The following C2CD3 variants were observed in gnomAD, a reference collection of about 807,000 sequenced individuals.
The protein encoded by C2CD3 is C2 domain-containing protein 3.
C2CD3 carries 148 observed loss-of-function variants against 234.0 expected under a neutral mutation model. That is an observed-to-expected ratio of 0.63 (90% confidence interval 0.55 to 0.72). The LOEUF is 0.72. Among genes scored for constraint, C2CD3 ranks in the 30% least tolerant of loss-of-function variants. C2CD3 has a pLI of 0.00. For synonymous variants in C2CD3, 1,000 were observed against 1,035.4 expected (o/e 0.97, Z 0.66); for missense variants, 2,577 against 2,811.5 (o/e 0.92, Z 1.89).
intron 28 of C2CD3, among the ~76,000 whole-genome samples, chr11:74,043,313 A>G (rs973523663): frequency 1.4e-4 from 21 of 152,244 alleles, no homozygotes; most frequent in African/African-American, 4.8e-4. Flanking sequence ...TACAGCATGT[A>G]TCAGTCCTTC....
intron 3 of C2CD3, among the ~76,000 whole-genome samples, chr11:74,154,391 C>G (rs918764702): frequency 4.2e-4 from 64 of 152,056 alleles, no homozygotes; most frequent in African/African-American, 1.2e-3. Context: ...TTGTAGTCCT[C>G]AAGTTTGGCC....
At chr11:74,073,361 T>C (rs909492236) in intron 24 of C2CD3, among the ~76,000 whole-genome samples, 1 of 151,948 alleles carries the variant, frequency 6.6e-6, no homozygotes, top group African/African-American at 2.4e-5. Flanking sequence ...CTGAGGTGGG[T>C]GGATCACTTG....
At chr11:74,101,096 A>G (rs1200330434) in intron 14 of C2CD3, among the ~76,000 whole-genome samples, 1 of 152,222 alleles carries the variant, frequency 6.6e-6, no homozygotes, top group African/African-American at 2.4e-5. Flanking sequence ...AAGGGCAGCC[A>G]ATTCACTGGC....
Position 74,055,098 on chromosome 11 carries a change from C to A in C2CD3, c.5091-427G>T, listed in dbSNP as rs80272360. On this transcript the variant is annotated intron_variant, in intron 25 of 32. Transcript: ENST00000334126. ...TGCCTACCTTGGGCCAGGCATGGCACCACGTGTTTCATATACATTTCATCT... is the reference window on the plus strand; with the variant it reads ...TGCCTACCTTGGGCCAGGCATGGCAACACGTGTTTCATATACATTTCATCT... Among the ~76,000 whole-genome samples the A allele has an allele frequency of 6.5e-3, 997 of 152,268 alleles. 23 individuals are homozygous for A. Among genetic ancestry groups the A allele is most frequent in the East Asian group, 0.061 (318 of 5,178 alleles).
At chr11:74,066,593 G>A (rs1353749940) in intron 24 of C2CD3, among the ~76,000 whole-genome samples, 1 of 151,796 alleles carries the variant, frequency 6.6e-6, no homozygotes, top group African/African-American at 2.4e-5. Flanking sequence ...GGAAAGAAAA[G>A]TAGCTACAGC....
chr11:74,095,326 G>A lies in C2CD3; in HGVS notation c.3062C>T (p.Ala1021Val), dbSNP rs570668370. Reference sequence around the variant, plus strand: ...ACAATCTGCTTCTCCCCAGACTGTTGCCTGAAGAGGGGCTAGCCCTTTAAC... The same window carrying A: ...ACAATCTGCTTCTCCCCAGACTGTTACCTGAAGAGGGGCTAGCCCTTTAAC... Reference protein sequence around the residue: ...EMVKGLAPLQATVWGEADCYV... With the variant: ...EMVKGLAPLQVTVWGEADCYV... Residue 1021 changes from alanine (A) to valine (V), a missense_variant, in exon 17 of 33, where the codon GCA (alanine) becomes GTA (valine). By Grantham distance (64) the Ala-to-Val change is moderately conservative. Coordinates refer to ENST00000334126, the MANE Select transcript of C2CD3 (RefSeq NM_001286577.2). The A allele has an allele frequency of 1.2e-6, 2 of 1,613,588 alleles. No individual in the cohort carries two copies.
At chr11:74,029,944 T>C (rs1195649632) in intron 31 of C2CD3, among the ~76,000 whole-genome samples, 1 of 152,102 alleles carries the variant, frequency 6.6e-6, no homozygotes, top group Non-Finnish European at 1.5e-5. Context: ...TTAGTAGAGA[T>C]GGAATTTTGC....
chr11:74,026,322 C>A (rs1040120426), intron 32 of C2CD3, among the ~76,000 whole-genome samples: 5 of 150,830 alleles, frequency 3.3e-5, no homozygotes, highest in South Asian at 2.1e-4. Flanking sequence ...AAAAAAAAAA[C>A]AACCAACAGA....
At position 74,073,743 on chromosome 11, in the gene C2CD3, C is replaced by A. The variant is rs561370339; in HGVS notation, c.4951+510G>T. ...TCTATTGTTGACAATATCACAGGTA[C>A]TATTACTAGGATCTACTGCCTATAT... On this transcript the variant is annotated intron_variant, in intron 24 of 32. Coordinates refer to ENST00000334126, the MANE Select transcript of C2CD3 (RefSeq NM_001286577.2). 1.6e-4 allele frequency among the ~76,000 whole-genome samples: 25 copies of A among 152,220 alleles called. No individual in the cohort carries two copies. In the East Asian group the frequency reaches 4.8e-3, roughly 29 times the overall value.
rs1238403952 is a variant in C2CD3 at position 74,133,808 on chromosome 11, C to G, written c.956-251G>C. ...ATGAAGTCTCCATTCCGGAGACTCA[C>G]CTCTTGTGGGGGTTGTTATATCCAT... On this transcript the variant is annotated intron_variant, in intron 5 of 32. Transcript: ENST00000334126. Among the ~76,000 whole-genome samples, 3 of 152,190 alleles carry G rather than the reference C, an allele frequency of 2.0e-5. 1 individual carries two copies. The highest frequency in any genetic ancestry group is 7.2e-5 in the African/African-American group (3 of 41,446).
At chr11:74,135,098 G>A (rs1353223933) in intron 5 of C2CD3, among the ~76,000 whole-genome samples, 1 of 152,024 alleles carries the variant, frequency 6.6e-6, no homozygotes, top group Admixed American at 6.6e-5. Flanking sequence ...AATGTGTGAT[G>A]TGGCAATACA....
intron 8 of C2CD3, among the ~76,000 whole-genome samples, chr11:74,120,454 A>G (rs1472066244): frequency 6.6e-6 from 1 of 152,166 alleles, no homozygotes; most frequent in Non-Finnish European, 1.5e-5. Context: ...AAAGGACATG[A>G]CCTCATCCTT....
chr11:74,034,188 G>C lies in C2CD3; in HGVS notation c.5972C>G (p.Ala1991Gly). 3 of 1,536,198 alleles carry C rather than the reference G, an allele frequency of 2.0e-6. No individual in the cohort carries two copies. The highest frequency in any genetic ancestry group is 1.7e-6 in the Non-Finnish European group (2 of 1,146,916). The change falls in exon 31 of 33, where the codon GCT (alanine) becomes GGT (glycine). Residue 1991 changes from alanine to glycine, a missense_variant. Coordinates refer to ENST00000334126, the MANE Select transcript of C2CD3 (RefSeq NM_001286577.2). Reference sequence around the variant, plus strand: ...TTCTTGCAGTGCTTCTGTGTCCTGAGCATCTGGGAGGGTGGTGGCCTTGTT... The same window carrying C: ...TTCTTGCAGTGCTTCTGTGTCCTGACCATCTGGGAGGGTGGTGGCCTTGTT... ...RSNKATTLPDAQDTEALQERC... is the reference protein window; with the variant it reads ...RSNKATTLPDGQDTEALQERC...
intron 31 of C2CD3, 126 bp from the exon 32 acceptor site, chr11:74,028,524 A>AGAAT (rs1359370859): frequency 7.7e-6 from 5 of 652,084 alleles, no homozygotes; most frequent in Non-Finnish European, 1.3e-5. Flanking sequence ...CTTGTCCATA[A>AGAAT]ATTCTTTGCT....
chr11:74,024,114 C>T (rs1952196672), intron 32 of C2CD3, among the ~76,000 whole-genome samples: 2 of 152,290 alleles, frequency 1.3e-5, no homozygotes, highest in East Asian at 3.8e-4. Flanking sequence ...ACACTGTAAT[C>T]AAACTGTTGA....
At chr11:74,042,882 T>G (rs1477869909) in intron 28 of C2CD3, among the ~76,000 whole-genome samples, 1 of 152,240 alleles carries the variant, frequency 6.6e-6, no homozygotes. Context: ...CAACATATAT[T>G]ACGCCATGTG....
intron 8 of C2CD3, 76 bp downstream of exon 8, chr11:74,122,912 C>T: frequency 2.9e-6 from 3 of 1,045,962 alleles, no homozygotes; most frequent in Non-Finnish European, 4.3e-6. Context: ...AAATGCATAG[C>T]TGTCATGCCT....
intron 29 of C2CD3, among the ~76,000 whole-genome samples, chr11:74,038,311 T>C (rs184626516): frequency 1.3e-5 from 2 of 152,244 alleles, no homozygotes; most frequent in South Asian, 4.1e-4. Context: ...TAAGTGATTT[T>C]AAAAATCTGT....
In C2CD3 at chr11:74,092,443, T is replaced by C. The variant is rs776905699; in HGVS notation, c.3490A>G (p.Arg1164Gly). Residue 1164 changes from arginine to glycine, a missense_variant, in exon 19 of 33, where the codon AGG becomes GGG. Transcript: ENST00000334126. ...GATGACTGGTTCCTCAATTCTTTCC[T>C]GTTCTCAATCCTGGGGGTTAAAGGG... is the stretch of plus-strand genomic sequence containing the variant. ...NLPLTPRIEN[R>G]KELRNQSSGL... is the part of the protein sequence containing the mutation. 2 of 1,613,922 alleles carry C rather than the reference T, an allele frequency of 1.2e-6. No individual in the cohort carries two copies. The highest frequency in any genetic ancestry group is 2.2e-5 in the South Asian group (2 of 91,076).
Sources: gnomAD v4.1 joint callset for allele counts (sites outside exome capture counted in the v4.1 genomes callset) on GRCh38, gnomAD v4.1.1 for gene constraint, MANE v1.5 for transcripts, NCBI Gene and HGNC (gene_info 2026-07-23, HGNC 2026-07-21) for gene names.